Variants in ANKRD30BL observed in about 807,000 individuals in gnomAD.
ANKRD30BL encodes ankyrin repeat domain 30B like, also known as putative ankyrin repeat domain-containing protein 30B-like.
Under a neutral mutation model 18.4 loss-of-function variants are expected in ANKRD30BL, and 20 were observed. The ratio of observed to expected loss-of-function variants is 1.09; its 90% CI spans 0.77 to 1.58. ANKRD30BL has a LOEUF of 1.58. Among genes scored for constraint, ANKRD30BL ranks in the 40% most tolerant of loss-of-function variants. The pLI, the probability that ANKRD30BL is intolerant of heterozygous loss-of-function variation, is 0.00. For synonymous variants in ANKRD30BL, 72 were observed against 100.9 expected (o/e 0.71, Z 1.72); for missense variants, 224 against 268.6 (o/e 0.83, Z 1.16).
At position 132,148,103 on chromosome 2, in the gene ANKRD30BL, A is replaced by C. The variant is rs1379024708; in HGVS notation, c.*28T>G. On this transcript the variant is annotated 3_prime_UTR_variant, in exon 6 of 6. Coordinates refer to ENST00000409867, the MANE Select transcript of ANKRD30BL (RefSeq NM_001358416.1). ...AATTTTAAAGGATGTTTACAGGCTA[A>C]AATCTTTGAAGAGGAATTCACTGTA... 1.3e-6 allele frequency: 2 copies of C among 1,531,730 alleles called. No homozygotes were observed. Among genetic ancestry groups the C allele is most frequent in the Non-Finnish European group, 1.8e-6 (2 of 1,122,796 alleles). 94.9% of individuals were successfully genotyped at this position (1,531,730 alleles called of 1,614,324 possible). A position where few individuals can be genotyped will look rare whatever the true frequency, so the allele number is the denominator to read the frequency against.
chr2:132,246,806 T>C (rs1680511623), intron 1 of ANKRD30BL, among the ~76,000 whole-genome samples: 1 of 151,830 alleles, frequency 6.6e-6, no homozygotes, highest in Non-Finnish European at 1.5e-5. Context: ...AAAGGAAATA[T>C]CTTCCAATAA....
At chr2:132,201,764 C>A (rs1463564919) in intron 1 of ANKRD30BL, among the ~76,000 whole-genome samples, 4 of 152,130 alleles carry the variant, frequency 2.6e-5, no homozygotes, top group Non-Finnish European at 4.4e-5. Context: ...ACTAGAAATA[C>A]CATTTGACCC....
intron 1 of ANKRD30BL, chr2:132,257,023 C>G (rs763016656): frequency 1.9e-6 from 1 of 515,972 alleles, no homozygotes. Context: ...CCCACCGCCA[C>G]AGACAGGAGG....
chr2:132,226,593 A>T (rs369551003), intron 1 of ANKRD30BL, among the ~76,000 whole-genome samples: 2 of 151,232 alleles, frequency 1.3e-5, no homozygotes, highest in African/African-American at 4.9e-5. Context: ...TCACAGAGTT[A>T]AACCTTTCTT....
Position 132,233,790 on chromosome 2 carries a change from C to A in ANKRD30BL, n.441+23739G>T, listed in dbSNP as rs200064728. On this transcript the variant is annotated intron_variant and non_coding_transcript_variant, in intron 1 of 4. Coordinates refer to the ANKRD30BL transcript ENST00000470729. ...TAGACAGATCAACGAGACAGAAAGTCAACAAGGATACCCAGGAATTGAACT... is the reference window on the plus strand; with the variant it reads ...TAGACAGATCAACGAGACAGAAAGTAAACAAGGATACCCAGGAATTGAACT... Among the ~76,000 whole-genome samples, 3 of 148,372 alleles carry A rather than the reference C, an allele frequency of 2.0e-5. No individual in the cohort carries two copies. The East Asian group carries it at 6.1e-4, about 30-fold the overall frequency.
intron 1 of ANKRD30BL, among the ~76,000 whole-genome samples, chr2:132,171,307 T>C (rs1688277815): frequency 1.3e-5 from 2 of 152,224 alleles, no homozygotes; most frequent in African/African-American, 4.8e-5. Flanking sequence ...GTATTTTTAG[T>C]GTAATATTAC....
chr2:132,240,141 G>T (rs1211902476), intron 1 of ANKRD30BL, among the ~76,000 whole-genome samples: 2 of 151,648 alleles, frequency 1.3e-5, no homozygotes, highest in African/African-American at 4.8e-5. Context: ...TGGTGAAAAA[G>T]GTAATATCTT....
At chr2:132,196,606 T>C (rs1249838263) in intron 1 of ANKRD30BL, among the ~76,000 whole-genome samples, 1 of 152,076 alleles carries the variant, frequency 6.6e-6, no homozygotes, top group Admixed American at 6.5e-5. Context: ...ACCAACATAA[T>C]GAAACCCTGT....
At chr2:132,253,635 GC>G (rs1680729278) in intron 1 of ANKRD30BL, among the ~76,000 whole-genome samples, 2 of 152,132 alleles carry the variant, frequency 1.3e-5, no homozygotes, top group Admixed American at 6.5e-5. Context: ...GCCCCAGCTG[GC>G]CGGGGGGACG....
intron 1 of ANKRD30BL, among the ~76,000 whole-genome samples, chr2:132,201,109 T>A (rs1293221303): frequency 6.6e-6 from 1 of 152,124 alleles, no homozygotes; most frequent in Non-Finnish European, 1.5e-5. Context: ...AAGCTGAAAC[T>A]GGATCCCTTC....
At chr2:132,197,322 G>A (rs1029725749) in intron 1 of ANKRD30BL, among the ~76,000 whole-genome samples, 1 of 152,094 alleles carries the variant, frequency 6.6e-6, no homozygotes. Flanking sequence ...TCAGTAAGAG[G>A]ATGTGTATAT....
At chr2:132,213,829 T>C (rs112892647) in intron 1 of ANKRD30BL, among the ~76,000 whole-genome samples, 7 of 152,210 alleles carry the variant, frequency 4.6e-5, no homozygotes, top group Non-Finnish European at 8.8e-5. Context: ...CCATAAAAAC[T>C]AGACAGAATC....
intron 1 of ANKRD30BL, among the ~76,000 whole-genome samples, chr2:132,235,178 G>A (rs956709934): frequency 2.0e-5 from 3 of 151,986 alleles, no homozygotes; most frequent in Non-Finnish European, 2.9e-5. Flanking sequence ...GGTATTGATG[G>A]GACATATTTC....
At chr2:132,194,032 TTCTCTCTC>T (rs764528052) in intron 1 of ANKRD30BL, among the ~76,000 whole-genome samples, 15 of 137,844 alleles carry the variant, frequency 1.1e-4, no homozygotes, top group African/African-American at 1.6e-4. Flanking sequence ...CAGAGATAAT[TTCTCTCTC>T]TCTCTCTCTC....
At chr2:132,221,206 C>T (rs1203745356) in intron 1 of ANKRD30BL, among the ~76,000 whole-genome samples, 2 of 146,102 alleles carry the variant, frequency 1.4e-5, no homozygotes, top group Non-Finnish European at 3.0e-5. Context: ...GGGGTCAGCC[C>T]CCCGCCCGGC....
At chr2:132,197,473 A>G (rs1393149790) in intron 1 of ANKRD30BL, among the ~76,000 whole-genome samples, 8 of 152,088 alleles carry the variant, frequency 5.3e-5, no homozygotes, top group Non-Finnish European at 1.0e-4. Context: ...TATAATTTTT[A>G]CTTTTCTGTT....
At chr2:132,185,618 G>A (rs1472557229) in intron 1 of ANKRD30BL, among the ~76,000 whole-genome samples, 1 of 152,084 alleles carries the variant, frequency 6.6e-6, no homozygotes, top group Non-Finnish European at 1.5e-5. Flanking sequence ...GTTTTATCTT[G>A]GGACTGTGAC....
intron 1 of ANKRD30BL, among the ~76,000 whole-genome samples, chr2:132,241,165 A>G (rs180740407): frequency 7.6e-6 from 1 of 132,400 alleles, no homozygotes; most frequent in East Asian, 2.2e-4. Flanking sequence ...TGGTGAAAAA[A>G]GAAATATCTT....
At chr2:132,217,939 GGT>G (rs1433973783) in intron 1 of ANKRD30BL, among the ~76,000 whole-genome samples, 22 of 151,874 alleles carry the variant, frequency 1.4e-4, no homozygotes, top group Admixed American at 2.6e-4. Context: ...GTTGGAAACG[GGT>G]ATATCTTCAC....
Sources: allele counts gnomAD v4.1 joint callset (sites outside exome capture counted in the v4.1 genomes callset), GRCh38; gene constraint gnomAD v4.1.1; transcripts MANE v1.5; gene names NCBI Gene and HGNC (gene_info 2026-07-23, HGNC 2026-07-21).